DNAJA1: variants seen among roughly 807,000 people sequenced by gnomAD.
The protein encoded by DNAJA1 is DnaJ heat shock protein family (Hsp40) member A1.
A neutral mutation model predicts 47.6 loss-of-function variants in DNAJA1; 26 were observed. That is an observed-to-expected ratio of 0.55 (90% CI 0.40 to 0.76). The LOEUF is 0.76. DNAJA1 is among the 30% of genes least tolerant of loss of function. The probability of loss-of-function intolerance (pLI) is 0.00; values close to 1 mark genes in which losing one functional copy is unlikely to be tolerated. For missense variants in DNAJA1, 315 were observed against 485.0 expected (o/e 0.65, Z 3.29); for synonymous variants, 165 against 158.4 (o/e 1.04, Z -0.31).
chr9:33,037,900 A>G (rs563041671), intron 8 of DNAJA1, among the ~76,000 whole-genome samples: 1 of 152,298 alleles, frequency 6.6e-6, no homozygotes, highest in Non-Finnish European at 1.5e-5. Flanking sequence ...ATTTCTTGGC[A>G]AAATAGTGTA....
chr9:33,034,546 C>G (rs1839006784), intron 6 of DNAJA1, among the ~76,000 whole-genome samples: 1 of 152,030 alleles, frequency 6.6e-6, no homozygotes, highest in Non-Finnish European at 1.5e-5. Flanking sequence ...AAATGTGTTT[C>G]AATTAGATGT....
intron 5 of DNAJA1, among the ~76,000 whole-genome samples, chr9:33,033,642 T>G (rs2119390042): frequency 6.6e-6 from 1 of 152,268 alleles, no homozygotes; most frequent in East Asian, 1.9e-4. Context: ...GTGAGCCATG[T>G]TTGTGCCACT....
intron 8 of DNAJA1, 176 bp downstream of exon 8, chr9:33,037,291 A>AGT (rs1839050927): frequency 2.4e-6 from 1 of 418,060 alleles, no homozygotes; most frequent in African/African-American, 2.1e-5. Flanking sequence ...TGGGCAACAT[A>AGT]GTGAAACCCT....
chr9:33,037,905 A>AGT (rs767540696), intron 8 of DNAJA1, among the ~76,000 whole-genome samples: 8 of 152,278 alleles, frequency 5.3e-5, no homozygotes, highest in Admixed American at 3.3e-4. Context: ...TTGGCAAAAT[A>AGT]GTGTAATGCT....
intron 8 of DNAJA1, 186 bp downstream of exon 8, chr9:33,037,301 T>G: frequency 5.1e-6 from 2 of 392,066 alleles, no homozygotes; most frequent in Non-Finnish European, 9.0e-6. Context: ...AGTGAAACCC[T>G]GTCTCTTTAA....
intron 1 of DNAJA1, among the ~76,000 whole-genome samples, chr9:33,025,768 G>T (rs570610342): frequency 2.0e-5 from 3 of 151,606 alleles, no homozygotes; most frequent in Admixed American, 6.6e-5. Flanking sequence ...GCTGCGGGGG[G>T]AGCCGGGCGG....
intron 6 of DNAJA1, 186 bp from the exon 7 acceptor site, chr9:33,036,388 G>A (rs1007306294): frequency 6.2e-5 from 25 of 401,240 alleles, no homozygotes; most frequent in African/African-American, 3.4e-4. Context: ...ACTAGGAAAC[G>A]GGGCTGGCAG....
chr9:33,026,706 T>A lies in DNAJA1; in HGVS notation c.132+90T>A, dbSNP rs1156808577. ...ATGGCCTGAAATCGAGTATCTAATA[T>A]AGTAACTATGATCACTTCTCGGCCT... On this transcript the variant is annotated intron_variant, in intron 2 of 8. Coordinates refer to ENST00000330899, the MANE Select transcript of DNAJA1 (RefSeq NM_001539.4). The A allele has an allele frequency of 1.9e-6, 3 of 1,565,516 alleles. No individual in the cohort carries two copies. The African/African-American group carries it at 4.1e-5, about 22-fold the overall frequency.
chr9:33,032,576 G>A (rs62542140), intron 5 of DNAJA1, among the ~76,000 whole-genome samples: 1 of 152,204 alleles, frequency 6.6e-6, no homozygotes. Context: ...CTGTAAGTGA[G>A]AACTTGAAAT....
chr9:33,030,070 G>A (rs1003903602), intron 4 of DNAJA1, 81 bp downstream of exon 4: 1 of 1,315,804 alleles, frequency 7.6e-7, no homozygotes, highest in Admixed American at 2.1e-5. Flanking sequence ...AAGACTTCTA[G>A]ATAGATATGT....
At position 33,039,027 on chromosome 9, in the gene DNAJA1, T is replaced by G; in HGVS notation, c.*124T>G. ...GTTTTAATAAACTATAGTAGTGTTT[T>G]AAAAAGTTAAATGAAGAATAAACGC... On this transcript the variant is annotated 3_prime_UTR_variant, in exon 9 of 9. Transcript: ENST00000330899. 2.2e-6 allele frequency: 2 copies of G among 928,354 alleles called. No individual in the cohort carries two copies. Among genetic ancestry groups the G allele is most frequent in the Non-Finnish European group, 1.6e-6 (1 of 628,128 alleles). The allele number at this position is 928,354 out of a possible 1,614,324, so 57.5% of individuals were successfully genotyped here. A position where few individuals can be genotyped will look rare whatever the true frequency, so the allele number is the denominator to read the frequency against.
At chr9:33,029,215 TG>T (rs1838922756) in intron 3 of DNAJA1, among the ~76,000 whole-genome samples, 1 of 152,226 alleles carries the variant, frequency 6.6e-6, no homozygotes, top group Non-Finnish European at 1.5e-5. Context: ...CACATGTGAT[TG>T]GTGGCTGCTA....
intron 5 of DNAJA1, among the ~76,000 whole-genome samples, chr9:33,031,116 C>T (rs905253226): frequency 1.3e-5 from 2 of 152,126 alleles, no homozygotes; most frequent in African/African-American, 2.4e-5. Context: ...TTTTTGGAGA[C>T]GGAGTTTCGC....
At position 33,027,895 on chromosome 9, in the gene DNAJA1, G is replaced by A. The variant is rs553448035; in HGVS notation, c.310+905G>A. On this transcript the variant is annotated intron_variant, in intron 3 of 8. Coordinates refer to ENST00000330899, the MANE Select transcript of DNAJA1 (RefSeq NM_001539.4). ...AAAAATTAGCCAGGCATGGTGGTGCGTGCCTGTAATCCCAGTTACTCAGGA... is the reference window on the plus strand; with the variant it reads ...AAAAATTAGCCAGGCATGGTGGTGCATGCCTGTAATCCCAGTTACTCAGGA... Among the ~76,000 whole-genome samples, 10 of 151,780 alleles carry A rather than the reference G, an allele frequency of 6.6e-5. 1 individual carries two copies. In the South Asian group the frequency reaches 1.7e-3, roughly 25 times the overall value.
chr9:33,025,708 G>C (rs1473392699), intron 1 of DNAJA1, among the ~76,000 whole-genome samples: 2 of 149,882 alleles, frequency 1.3e-5, no homozygotes, highest in Non-Finnish European at 3.0e-5. Context: ...TGGGGGGGGG[G>C]AGTGGGGTTG....
At chr9:33,035,885 T>C (rs1031641690) in intron 6 of DNAJA1, among the ~76,000 whole-genome samples, 5 of 152,318 alleles carry the variant, frequency 3.3e-5, no homozygotes, top group Middle Eastern at 3.4e-3. Context: ...CCAGGAAATA[T>C]TATTTCAGGT....
chr9:33,035,474 A>ATT (rs200969633), intron 6 of DNAJA1, among the ~76,000 whole-genome samples: 8 of 151,952 alleles, frequency 5.3e-5, no homozygotes, highest in Non-Finnish European at 1.0e-4. Context: ...TTATTTATTT[A>ATT]TTTATTTTTT....
At position 33,032,757 on chromosome 9, in the gene DNAJA1, C is replaced by T. The variant is rs545661287; in HGVS notation, c.644-1459C>T. On this transcript the variant is annotated intron_variant, in intron 5 of 8. Transcript: ENST00000330899. Reference sequence around the variant, plus strand: ...TTTTGTCAGTGTATGATACTGATAGCGCTTTAAGTCCTTATTTAAGAGGTA... The same window carrying T: ...TTTTGTCAGTGTATGATACTGATAGTGCTTTAAGTCCTTATTTAAGAGGTA... 7.2e-5 allele frequency among the ~76,000 whole-genome samples: 11 copies of T among 152,144 alleles called. 2 individuals are homozygous for T. The highest frequency in any genetic ancestry group is 2.7e-4 in the African/African-American group (11 of 41,484).
At position 33,026,926 on chromosome 9, in the gene DNAJA1, C is replaced by G. The variant is rs11542820; in HGVS notation, c.246C>G (p.Gly82=). 6.2e-7 allele frequency: 1 copy of G among 1,614,066 alleles called. No homozygotes were observed. The highest frequency in any genetic ancestry group is 8.5e-7 in the Non-Finnish European group (1 of 1,179,990). The change falls in exon 3 of 9, where the codon GGC becomes GGG. Residue 82 remains glycine, a synonymous_variant. Coordinates refer to ENST00000330899, the MANE Select transcript of DNAJA1 (RefSeq NM_001539.4). The stretch of plus-strand genomic sequence containing the variant: ...AGGGTGGAGCAGGTGGCGGTTTTGG[C>G]TCCCCCATGGACATCTTTGATATGT... ...IKEGGAGGGF[G]SPMDIFDMFF...
Sources: allele counts gnomAD v4.1 joint callset (sites outside exome capture counted in the v4.1 genomes callset), GRCh38; gene constraint gnomAD v4.1.1; transcripts MANE v1.5; gene names NCBI Gene and HGNC (gene_info 2026-07-23, HGNC 2026-07-21).